The following RHOBTB3 variants were observed in gnomAD, a reference collection of about 807,000 sequenced individuals.
RHOBTB3 encodes rho-related BTB domain-containing protein 3.
RHOBTB3 carries 47 observed loss-of-function variants against 67.2 expected under a neutral mutation model. That is an observed-to-expected ratio of 0.70 (90% CI 0.55 to 0.89). The LOEUF (loss-of-function observed/expected upper bound fraction) is 0.89. Ranked by LOEUF, RHOBTB3 falls within the 40% of genes least tolerant of loss-of-function variation. RHOBTB3 has a pLI of 0.00. For synonymous variants in RHOBTB3, 273 were observed against 274.2 expected (o/e 1.00, Z 0.04); for missense variants, 631 against 750.0 (o/e 0.84, Z 1.85).
intron 8 of RHOBTB3, among the ~76,000 whole-genome samples, chr5:95,778,398 G>GC (rs1195168726): frequency 6.6e-6 from 1 of 151,208 alleles, no homozygotes; most frequent in African/African-American, 2.4e-5. Flanking sequence ...TACAGTTGCA[G>GC]GGTTTTTTTT....
intron 5 of RHOBTB3, among the ~76,000 whole-genome samples, chr5:95,753,145 A>G (rs1745140451): frequency 1.3e-5 from 2 of 152,046 alleles, no homozygotes; most frequent in Admixed American, 6.6e-5. Context: ...TCAAAAAAAA[A>G]AAAGAAAGTG....
intron 7 of RHOBTB3, among the ~76,000 whole-genome samples, chr5:95,766,405 A>G (rs1477498118): frequency 2.6e-5 from 4 of 152,012 alleles, no homozygotes; most frequent in African/African-American, 7.3e-5. Context: ...TAAAGTGAAT[A>G]AAATATGATA....
intron 1 of RHOBTB3, among the ~76,000 whole-genome samples, chr5:95,720,019 T>G (rs1325270091): frequency 1.3e-5 from 2 of 152,176 alleles, no homozygotes; most frequent in African/African-American, 4.8e-5. Flanking sequence ...GGGAAGACAG[T>G]GTTTGCTACC....
At chr5:95,761,213 G>A (rs1561448384) in intron 6 of RHOBTB3, among the ~76,000 whole-genome samples, 2 of 152,090 alleles carry the variant, frequency 1.3e-5, no homozygotes, top group Non-Finnish European at 2.9e-5. Flanking sequence ...AAAGAACACA[G>A]AGACAGTACT....
At position 95,755,451 on chromosome 5, in the gene RHOBTB3, C is replaced by T. The variant is rs780641909; in HGVS notation, c.738C>T (p.Asn246=). ...CACATTATAACTCTGACTTAAATAA[C>T]TTGCTGTTCTGCTGCCAGTGTGTGG... ...EASHYNSDLN[N]LLFCCQCVDV... Residue 246 remains asparagine (N), a synonymous_variant, in exon 6 of 12, where the codon AAC becomes AAT. Transcript: ENST00000379982. 2.4e-5 allele frequency: 38 copies of T among 1,612,392 alleles called. No homozygotes were observed. The highest frequency in any genetic ancestry group is 4.5e-5 in the East Asian group (2 of 44,888).
At chr5:95,720,669 G>A (rs907390638) in intron 1 of RHOBTB3, among the ~76,000 whole-genome samples, 3 of 151,526 alleles carry the variant, frequency 2.0e-5, no homozygotes, top group East Asian at 1.9e-4. Flanking sequence ...TACATTATAC[G>A]TCACTGCTTC....
At chr5:95,792,908 G>A (rs1350815275) in intron 11 of RHOBTB3, 151 bp from the exon 12 acceptor site, 2 of 546,458 alleles carry the variant, frequency 3.7e-6, no homozygotes, top group Non-Finnish European at 3.3e-6. Context: ...TAACCAAAAT[G>A]GTAGTAAATT....
intron 2 of RHOBTB3, among the ~76,000 whole-genome samples, chr5:95,732,922 C>A (rs1374875968): frequency 6.6e-6 from 1 of 152,010 alleles, no homozygotes; most frequent in Non-Finnish European, 1.5e-5. Context: ...ATTGGAGTTA[C>A]GTATGTTTCA....
At position 95,793,923 on chromosome 5, in the gene RHOBTB3, G is replaced by C. The variant is rs1476179299; in HGVS notation, c.*749G>C. ...AATAATGTTTGAAGAAGGGCCCCAT[G>C]ATTTCATTTTGTGCTGAGCCCTCAA... is the stretch of plus-strand genomic sequence containing the variant. On this transcript the variant is annotated 3_prime_UTR_variant, in exon 12 of 12. Transcript: ENST00000379982. 2 of 446,876 alleles carry C rather than the reference G, an allele frequency of 4.5e-6. No homozygotes were observed. The highest frequency in any genetic ancestry group is 8.9e-6 in the Non-Finnish European group (2 of 223,498). The allele number at this position is 446,876 out of a possible 1,614,324, so 27.7% of individuals were successfully genotyped here. A position where few individuals can be genotyped will look rare whatever the true frequency, so the allele number is the denominator to read the frequency against.
At chr5:95,734,968 C>T (rs919590243) in intron 2 of RHOBTB3, among the ~76,000 whole-genome samples, 25 of 152,196 alleles carry the variant, frequency 1.6e-4, no homozygotes, top group African/African-American at 5.5e-4. Context: ...GATTTATTCT[C>T]TCAGAGTTAA....
At chr5:95,731,030 C>A, upstream of RHOBTB3, 1 of 967,728 alleles carries the variant, frequency 1.0e-6, no homozygotes, top group Non-Finnish European at 1.4e-6. Context: ...CCCCACCCCC[C>A]TTTCCTGGCT....
At chr5:95,756,446 G>A (rs143296729) in intron 6 of RHOBTB3, among the ~76,000 whole-genome samples, 2 of 152,168 alleles carry the variant, frequency 1.3e-5, no homozygotes, top group Non-Finnish European at 2.9e-5. Flanking sequence ...TTTAGCTATT[G>A]TGAGTAATGC....
rs367730980 is a variant in RHOBTB3 at position 95,753,320 on chromosome 5, A to G, written c.682+970A>G. Among the ~76,000 whole-genome samples, 37 of 151,970 alleles carry G rather than the reference A, an allele frequency of 2.4e-4. No individual in the cohort carries two copies. The East Asian group carries it at 6.8e-3, about 28-fold the overall frequency. On this transcript the variant is annotated intron_variant, in intron 5 of 11. Coordinates refer to ENST00000379982, the MANE Select transcript of RHOBTB3 (RefSeq NM_014899.4). ...AATAAAAAATGTTAATAATTGCAAA[A>G]TCCACGTGAGGGATATATGTGAAGG... is the stretch of plus-strand genomic sequence containing the variant.
rs182323594 is a variant in RHOBTB3 at position 95,748,222 on chromosome 5, T to C, written c.416-111T>C. 1.5e-5 allele frequency: 10 copies of C among 688,720 alleles called. No homozygotes were observed. The Admixed American group carries it at 3.2e-4, about 22-fold the overall frequency. The allele number at this position is 688,720 out of a possible 1,614,324, so 42.7% of individuals were successfully genotyped here. A position where few individuals can be genotyped will look rare whatever the true frequency, so the allele number is the denominator to read the frequency against. ...GGGTAGTGGATATACTGAATGCTTT[T>C]GAACTGTGGCTCTAGTATGAGCTCT... On this transcript the variant is annotated intron_variant, in intron 3 of 11. Coordinates refer to ENST00000379982, the MANE Select transcript of RHOBTB3 (RefSeq NM_014899.4).
chr5:95,748,124 T>C lies in RHOBTB3; in HGVS notation c.416-209T>C, dbSNP rs190106265. On this transcript the variant is annotated intron_variant, in intron 3 of 11. Coordinates refer to ENST00000379982, the MANE Select transcript of RHOBTB3 (RefSeq NM_014899.4). ...TTTTAAATTTTTCTATTTTCTAAAA[T>C]ACTATTTATTATTCTTGCAGTGAAT... is the stretch of plus-strand genomic sequence containing the variant. 2.1e-3 allele frequency among the ~76,000 whole-genome samples: 323 copies of C among 151,956 alleles called. 2 individuals are homozygous for C. Among genetic ancestry groups the C allele is most frequent in the African/African-American group, 7.4e-3 (305 of 41,216 alleles).
At chr5:95,730,431 A>T (rs1755187708), upstream of RHOBTB3, among the ~76,000 whole-genome samples, 1 of 152,230 alleles carries the variant, frequency 6.6e-6, no homozygotes, top group Non-Finnish European at 1.5e-5. Flanking sequence ...AGTGGATCCC[A>T]GTGTTCGTTT....
chr5:95,767,757 G>A, intron 7 of RHOBTB3: 1 of 690,694 alleles, frequency 1.4e-6, no homozygotes, highest in East Asian at 2.7e-5. Context: ...TCTCAACAAA[G>A]ACTCATAGGG....
At chr5:95,764,235 T>C (rs1745479151) in intron 7 of RHOBTB3, among the ~76,000 whole-genome samples, 1 of 152,202 alleles carries the variant, frequency 6.6e-6, no homozygotes, top group Admixed American at 6.5e-5. Context: ...ATCTATATCA[T>C]GAATAAAAGG....
intron 5 of RHOBTB3, among the ~76,000 whole-genome samples, chr5:95,753,109 C>G (rs563684451): frequency 6.6e-6 from 1 of 151,966 alleles, no homozygotes. Flanking sequence ...TGCACTCTGG[C>G]CTGGGCGACA....
Sources: gnomAD v4.1 joint callset for allele counts (sites outside exome capture counted in the v4.1 genomes callset) on GRCh38, gnomAD v4.1.1 for gene constraint, MANE v1.5 for transcripts, NCBI Gene and HGNC (gene_info 2026-07-23, HGNC 2026-07-21) for gene names.